CALCRL: variants seen among roughly 807,000 people sequenced by gnomAD.
The protein encoded by CALCRL is calcitonin gene-related peptide type 1 receptor.
In CALCRL, 27 loss-of-function variants were observed where a neutral mutation model predicts 60.4. That is an observed-to-expected ratio of 0.45 (90% CI 0.33 to 0.62). CALCRL has a LOEUF of 0.62. Among genes scored for constraint, CALCRL ranks in the 20% least tolerant of loss-of-function variants. CALCRL has a pLI of 0.03. For synonymous variants in CALCRL, 190 were observed against 182.6 expected (o/e 1.04, Z -0.33); for missense variants, 424 against 540.7 (o/e 0.78, Z 2.14).
At chr2:187,405,348 T>TTA (rs1336137937) in intron 1 of CALCRL, among the ~76,000 whole-genome samples, 1 of 152,048 alleles carries the variant, frequency 6.6e-6, no homozygotes, top group Non-Finnish European at 1.5e-5. Flanking sequence ...GATTTTAACA[T>TTA]ATTTTAGCGT....
intron 1 of CALCRL, among the ~76,000 whole-genome samples, chr2:187,395,113 G>T (rs1688604038): frequency 6.6e-6 from 1 of 151,946 alleles, no homozygotes. Context: ...GAACAAACCA[G>T]GCAAATCCAG....
intron 1 of CALCRL, among the ~76,000 whole-genome samples, chr2:187,443,372 G>A (rs1029004426): frequency 3.3e-5 from 5 of 151,646 alleles, no homozygotes; most frequent in Admixed American, 6.6e-5. Context: ...AAATTTCCAC[G>A]TGTTAATTCA....
chr2:187,386,759 A>G (rs115951192), intron 3 of CALCRL, among the ~76,000 whole-genome samples: 4,277 of 152,134 alleles, frequency 0.028, 86 homozygotes, highest in African/African-American at 0.05. Flanking sequence ...TGTAGCTCAC[A>G]TAATTCCCAT....
intron 5 of CALCRL, among the ~76,000 whole-genome samples, chr2:187,382,525 A>G (rs1008869442): frequency 4.6e-5 from 7 of 152,190 alleles, no homozygotes; most frequent in Non-Finnish European, 8.8e-5. Flanking sequence ...TTTACATTTG[A>G]TATTTTGAAG....
Position 187,406,198 on chromosome 2 carries a change from A to AAC in CALCRL, c.-292-18443_-292-18442insGT, listed in dbSNP as rs33926127. The stretch of plus-strand genomic sequence containing the variant: ...AAACCAAACACAACCAAAAAAAAAA[A>AAC]CACAAATCTGATATGTTGTATGTGA... On this transcript the variant is annotated intron_variant, in intron 1 of 14. Coordinates refer to ENST00000392370, the MANE Select transcript of CALCRL (RefSeq NM_005795.6). Among the ~76,000 whole-genome samples, 33 of 151,600 alleles carry AAC rather than the reference A, an allele frequency of 2.2e-4. No individual in the cohort carries two copies. In the South Asian group the frequency reaches 3.5e-3, roughly 16 times the overall value.
At chr2:187,385,676 A>C (rs1688176828) in intron 3 of CALCRL, 45 bp from the exon 4 acceptor site, 1 of 936,812 alleles carries the variant, frequency 1.1e-6, no homozygotes, top group South Asian at 1.6e-5. Context: ...ATATTTATGA[A>C]ATAAATGCAG....
intron 13 of CALCRL, 30 bp downstream of exon 13, chr2:187,352,084 C>G (rs745523880): frequency 6.3e-7 from 1 of 1,598,008 alleles, no homozygotes; most frequent in South Asian, 1.1e-5. Flanking sequence ...CCAAACTTCT[C>G]AAGCTGCCTT....
In CALCRL at chr2:187,359,257, G is replaced by T; in HGVS notation, c.797C>A (p.Pro266His). The part of the protein sequence containing the change: ...YFLGWGFPLI[P>H]ACIHAIARSL... ...TCTAGCAATGGCATGTATACAAGCA[G>T]GAATCAGTGGAAATCCTGTAATAAC... is the stretch of plus-strand genomic sequence containing the variant. Residue 266 changes from proline (P) to histidine (H), a missense_variant, in exon 11 of 15, where the codon CCT becomes CAT. Transcript: ENST00000392370. 1 of 1,557,636 alleles carries T rather than the reference G, an allele frequency of 6.4e-7. No individual in the cohort carries two copies. The highest frequency in any genetic ancestry group is 2.4e-5 in the East Asian group (1 of 42,064).
At chr2:187,421,252 G>A (rs534255134) in intron 1 of CALCRL, among the ~76,000 whole-genome samples, 39 of 152,234 alleles carry the variant, frequency 2.6e-4, no homozygotes, top group African/African-American at 8.7e-4. Context: ...GTAAGTAAAT[G>A]TTTATCTTAA....
chr2:187,407,055 G>T (rs1038385961), intron 1 of CALCRL, among the ~76,000 whole-genome samples: 2 of 151,806 alleles, frequency 1.3e-5, no homozygotes, highest in Non-Finnish European at 2.9e-5. Flanking sequence ...TTTTGTATGT[G>T]CCTTCTAACA....
chr2:187,400,570 C>T (rs2105822654), intron 1 of CALCRL, among the ~76,000 whole-genome samples: 1 of 151,290 alleles, frequency 6.6e-6, no homozygotes, highest in South Asian at 2.1e-4. Flanking sequence ...CAAACAAACG[C>T]TTGCACACGA....
chr2:187,438,542 GT>G (rs200977726), intron 1 of CALCRL, among the ~76,000 whole-genome samples: 80 of 148,768 alleles, frequency 5.4e-4, no homozygotes, highest in Middle Eastern at 3.4e-3. Flanking sequence ...TTGCTAAGTT[GT>G]TTTTTTTTTC....
At chr2:187,446,284 T>G (rs1166781828) in intron 1 of CALCRL, among the ~76,000 whole-genome samples, 1 of 151,696 alleles carries the variant, frequency 6.6e-6, no homozygotes, top group African/African-American at 2.4e-5. Context: ...GAAAGCACAT[T>G]TTGAATACAA....
Position 187,438,542 on chromosome 2 carries a change from G to GT in CALCRL, c.-293+9496dup, listed in dbSNP as rs200977726. ...TTTCCCTCAATTTCATTGCTAAGTT[G>GT]TTTTTTTTTTCCTCCTTGTATAGGC... On this transcript the variant is annotated intron_variant, in intron 1 of 14. Transcript: ENST00000392370. 4.3e-3 allele frequency among the ~76,000 whole-genome samples: 639 copies of GT among 148,714 alleles called. 11 individuals are homozygous for GT. In the East Asian group the frequency reaches 0.064, roughly 15 times the overall value.
chr2:187,416,023 T>G (rs932819836), intron 1 of CALCRL, among the ~76,000 whole-genome samples: 3 of 152,040 alleles, frequency 2.0e-5, no homozygotes, highest in Admixed American at 2.0e-4. Flanking sequence ...TCATGTACCA[T>G]CAACAAAGTC....
Position 187,352,161 on chromosome 2 carries a change from C to T in CALCRL, c.1081G>A (p.Ala361Thr). 1 of 1,612,452 alleles carries T rather than the reference C, an allele frequency of 6.2e-7. No homozygotes were observed. ...LIPWRPEGKIAEEVYDYIMHI... is the reference protein window; with the variant it reads ...LIPWRPEGKITEEVYDYIMHI... ...ATGATGTAGTCATATACCTCCTCTG[C>T]AATCTTTCCTTCAGGTCGCCATGGA... The change falls in exon 13 of 15, where the codon GCA (alanine) becomes ACA (threonine). Residue 361 changes from alanine to threonine, a missense_variant. Coordinates refer to ENST00000392370, the MANE Select transcript of CALCRL (RefSeq NM_005795.6).
At chr2:187,380,637 T>C (rs1687946912) in intron 6 of CALCRL, 40 bp downstream of exon 6, 1 of 1,585,614 alleles carries the variant, frequency 6.3e-7, no homozygotes, top group Non-Finnish European at 8.7e-7. Flanking sequence ...ATTTATTAAA[T>C]AGATGTCAAG....
chr2:187,427,953 A>G lies in CALCRL; in HGVS notation c.-293+20086T>C, dbSNP rs58753145. ...GTGAACCTCTCCCATATCTGCTATC[A>G]TGTAAATCTTTAATGAAGTCTACTG... On this transcript the variant is annotated intron_variant, in intron 1 of 14. Coordinates refer to ENST00000392370, the MANE Select transcript of CALCRL (RefSeq NM_005795.6). Among the ~76,000 whole-genome samples, 1,513 of 152,274 alleles carry G rather than the reference A, an allele frequency of 9.9e-3. 24 individuals are homozygous for G. The highest frequency in any genetic ancestry group is 0.035 in the African/African-American group (1,442 of 41,562).
intron 1 of CALCRL, among the ~76,000 whole-genome samples, chr2:187,396,317 A>G (rs536988010): frequency 2.3e-4 from 35 of 151,976 alleles, no homozygotes; most frequent in African/African-American, 8.2e-4. Context: ...AGAAAGTCCA[A>G]ATTAGAAAAG....
Sources: gnomAD v4.1 joint callset for allele counts (sites outside exome capture counted in the v4.1 genomes callset) on GRCh38, gnomAD v4.1.1 for gene constraint, MANE v1.5 for transcripts, NCBI Gene and HGNC (gene_info 2026-07-23, HGNC 2026-07-21) for gene names.